Variants in IRAK1BP1 observed in about 807,000 individuals in gnomAD.
IRAK1BP1 encodes interleukin-1 receptor-associated kinase 1-binding protein 1.
A neutral mutation model predicts 28.0 loss-of-function variants in IRAK1BP1; 24 were observed. The observed-to-expected ratio is 0.86, with a 90% CI of 0.62 to 1.20. The LOEUF is 1.20. IRAK1BP1 is among the 50% of genes most tolerant of loss of function. IRAK1BP1 has a pLI of 0.00. For synonymous variants in IRAK1BP1, 131 were observed against 116.3 expected (o/e 1.13, Z -0.81); for missense variants, 336 against 316.7 (o/e 1.06, Z -0.46).
intron 1 of IRAK1BP1, among the ~76,000 whole-genome samples, chr6:78,868,972 C>T (rs1405184426): frequency 1.3e-5 from 2 of 151,948 alleles, no homozygotes; most frequent in African/African-American, 4.8e-5. Context: ...TTATTTTTAA[C>T]AAGAAAAGAT....
chr6:78,871,916 A>C (rs951949645), intron 1 of IRAK1BP1: 4 of 519,738 alleles, frequency 7.7e-6, no homozygotes, highest in Non-Finnish European at 1.3e-5. Context: ...CTTCCATCTG[A>C]CAACATTTGT....
chr6:78,916,399 A>G (rs1291534621), intron 4 of IRAK1BP1, among the ~76,000 whole-genome samples: 1 of 152,122 alleles, frequency 6.6e-6, no homozygotes, highest in Non-Finnish European at 1.5e-5. Context: ...CATTTGGAGT[A>G]TTATAATCCA....
At chr6:78,895,286 G>A (rs1256240663) in intron 2 of IRAK1BP1, among the ~76,000 whole-genome samples, 1 of 152,098 alleles carries the variant, frequency 6.6e-6, no homozygotes, top group Non-Finnish European at 1.5e-5. Context: ...ACTAGAAAGT[G>A]TATAAGGAAG....
chr6:78,954,886 T>C, the IRAK1BP1 span: 1 of 1,587,022 alleles, frequency 6.3e-7, no homozygotes, highest in African/African-American at 1.4e-5. Context: ...GATTTAACAA[T>C]TCTTCACACT....
chr6:78,978,440 C>T, the IRAK1BP1 span: 1 of 444,876 alleles, frequency 2.2e-6, no homozygotes, highest in East Asian at 3.5e-5. Context: ...ACTTTCACTC[C>T]TAATTGTACT....
At chr6:78,871,498 A>C in intron 1 of IRAK1BP1, 1 of 985,518 alleles carries the variant, frequency 1.0e-6, no homozygotes, top group East Asian at 1.1e-4. Flanking sequence ...TTCCACAGGA[A>C]CAGCAGACGA....
intron 2 of IRAK1BP1, among the ~76,000 whole-genome samples, chr6:78,887,846 C>T (rs1008766234): frequency 6.6e-6 from 1 of 152,172 alleles, no homozygotes; most frequent in South Asian, 2.1e-4. Context: ...AGCAATCCCA[C>T]TCCTGGGTGT....
At chr6:78,876,834 TG>T (rs1294084663) in intron 1 of IRAK1BP1, among the ~76,000 whole-genome samples, 7 of 152,196 alleles carry the variant, frequency 4.6e-5, no homozygotes, top group Admixed American at 4.6e-4. Flanking sequence ...CTCCAGGCAT[TG>T]GCAGATGTCC....
chr6:78,970,941 T>C, the IRAK1BP1 span: 2 of 1,180,690 alleles, frequency 1.7e-6, no homozygotes, highest in East Asian at 2.4e-5. Flanking sequence ...TTTAATCCAA[T>C]ATACAGGGTA....
chr6:78,887,439 G>A (rs1771468148), intron 2 of IRAK1BP1, among the ~76,000 whole-genome samples: 1 of 152,132 alleles, frequency 6.6e-6, no homozygotes. Flanking sequence ...GTCGAGGTGG[G>A]CGGATCACGA....
chr6:78,877,473 T>C (rs1771043125), intron 1 of IRAK1BP1, among the ~76,000 whole-genome samples: 1 of 152,228 alleles, frequency 6.6e-6, no homozygotes, highest in Admixed American at 6.5e-5. Context: ...GTTTTCAGAC[T>C]GCACACACTT....
chr6:78,880,149 A>T (rs1771172787), intron 1 of IRAK1BP1, among the ~76,000 whole-genome samples: 1 of 152,176 alleles, frequency 6.6e-6, no homozygotes, highest in African/African-American at 2.4e-5. Flanking sequence ...AATCTATGTG[A>T]CCTTGGGATT....
chr6:78,946,094 C>A (rs778895991), exon 5 of IRAK1BP1: 1 of 1,613,588 alleles, frequency 6.2e-7, no homozygotes, highest in African/African-American at 1.3e-5. Flanking sequence ...ACTGGATCTA[C>A]AACCACTCGG....
intron 1 of IRAK1BP1, chr6:78,871,314 A>G: frequency 4.1e-6 from 4 of 985,026 alleles, no homozygotes; most frequent in Non-Finnish European, 4.8e-6. Context: ...TTCTAGTGCA[A>G]GAGAGGACTA....
At chr6:78,968,031 G>A in the IRAK1BP1 span, among the ~76,000 whole-genome samples, 2 of 152,136 alleles carry the variant, frequency 1.3e-5, no homozygotes, top group South Asian at 2.1e-4. Flanking sequence ...CCAGCTAATC[G>A]GGAGGCTGAG....
exon 5 of IRAK1BP1, chr6:78,946,254 T>C (rs1359913198): frequency 3.1e-6 from 5 of 1,612,260 alleles, no homozygotes; most frequent in Non-Finnish European, 4.2e-6. Flanking sequence ...TTTTTTTCCT[T>C]TCAGGGCTGT....
At chr6:78,951,119 C>G (rs1038700979), downstream of IRAK1BP1, among the ~76,000 whole-genome samples, 2 of 152,018 alleles carry the variant, frequency 1.3e-5, no homozygotes, top group African/African-American at 4.8e-5. Flanking sequence ...GAGGTGGGCT[C>G]TTTCGTTAAC....
chr6:78,951,528 A>T, the IRAK1BP1 span, among the ~76,000 whole-genome samples: 5 of 152,184 alleles, frequency 3.3e-5, no homozygotes, highest in Admixed American at 1.3e-4. Flanking sequence ...TAAAAAGTAG[A>T]TTATCCGAAG....
chr6:78,877,460 G>A (rs938653665), intron 1 of IRAK1BP1, among the ~76,000 whole-genome samples: 2 of 152,148 alleles, frequency 1.3e-5, no homozygotes, highest in Admixed American at 1.3e-4. Context: ...TCTTATATGG[G>A]TTGTTTTCAG....
Sources: allele counts gnomAD v4.1 joint callset (sites outside exome capture counted in the v4.1 genomes callset), GRCh38; gene constraint gnomAD v4.1.1; transcripts MANE v1.5; gene names NCBI Gene and HGNC (gene_info 2026-07-23, HGNC 2026-07-21).